The following GCSAM variants were observed in gnomAD, a reference collection of about 807,000 sequenced individuals.
GCSAM encodes germinal center-associated signaling and motility protein.
A neutral mutation model predicts 17.6 loss-of-function variants in GCSAM; 8 were observed. The ratio of observed to expected loss-of-function variants is 0.46; its 90% CI spans 0.27 to 0.82. The LOEUF (loss-of-function observed/expected upper bound fraction) is 0.82, where lower values mean the gene tolerates loss of function less well. Ranked by LOEUF, GCSAM falls within the 40% of genes least tolerant of loss-of-function variation. The probability of loss-of-function intolerance (pLI) is 0.15; values close to 1 mark genes in which losing one functional copy is unlikely to be tolerated. For missense variants in GCSAM, 192 were observed against 213.5 expected (o/e 0.90, Z 0.63); for synonymous variants, 68 against 69.0 (o/e 0.98, Z 0.07).
rs755741973 is a variant in GCSAM, at chr3:112,130,442, C to T, written c.98+3G>A. 9.9e-6 allele frequency: 16 copies of T among 1,613,604 alleles called. 1 individual carries two copies. In the Admixed American group the frequency reaches 2.3e-4, roughly 24 times the overall value. ...GGGGGTGTTTGGTTGATTTTGCTCT[C>T]ACCTGGATGTTCTCTGTTTGGGGCT... is the stretch of plus-strand genomic sequence containing the variant. On this transcript the variant is annotated splice_donor_region_variant and intron_variant, in intron 2 of 5. Transcript: ENST00000308910.
At chr3:112,125,338 C>A in intron 4 of GCSAM, 84 bp from the exon 5 acceptor site, 1 of 949,270 alleles carries the variant, frequency 1.1e-6, no homozygotes, top group Non-Finnish European at 1.7e-6. Flanking sequence ...ATATAAATAA[C>A]TAAAAAGCCA....
At chr3:112,131,647 A>G (rs1474979425) in intron 1 of GCSAM, among the ~76,000 whole-genome samples, 1 of 152,192 alleles carries the variant, frequency 6.6e-6, no homozygotes, top group East Asian at 1.9e-4. Flanking sequence ...CTTTTAAATC[A>G]TCATAGAAAT....
chr3:112,128,358 CG>C, intron 2 of GCSAM: 2 of 539,802 alleles, frequency 3.7e-6, no homozygotes, highest in Non-Finnish European at 6.8e-6. Flanking sequence ...ATGAAGAACA[CG>C]TAAGTGTTAT....
chr3:112,131,383 G>C (rs963004321), intron 1 of GCSAM, among the ~76,000 whole-genome samples: 12 of 152,068 alleles, frequency 7.9e-5, no homozygotes, highest in African/African-American at 1.4e-4. Flanking sequence ...GACACGGTTG[G>C]GGGGGTATGC....
rs2107794878 is a variant in GCSAM at position 112,120,924 on chromosome 3, C to T, written c.*2531G>A. On this transcript the variant is annotated 3_prime_UTR_variant, in exon 6 of 6. Coordinates refer to ENST00000308910, the MANE Select transcript of GCSAM (RefSeq NM_152785.5). The stretch of plus-strand genomic sequence containing the variant: ...TTACACTCATATCAGAATTTTTTAA[C>T]TCTTTTTTTGTTCTTAATATTATTT... The T allele has an allele frequency of 6.6e-6, 1 of 152,214 alleles. No homozygotes were observed. Among genetic ancestry groups the T allele is most frequent in the Admixed American group, 6.5e-5 (1 of 15,284 alleles). 9.4% of individuals were successfully genotyped at this position (152,214 alleles called of 1,614,324 possible). A position where few individuals can be genotyped will look rare whatever the true frequency, so the allele number is the denominator to read the frequency against.
At chr3:112,125,362 G>A in intron 4 of GCSAM, 108 bp from the exon 5 acceptor site, 1 of 767,148 alleles carries the variant, frequency 1.3e-6, no homozygotes, top group Non-Finnish European at 2.3e-6. Context: ...AACAGCTGGG[G>A]TAGCTCTTCT....
chr3:112,131,378 G>A lies in GCSAM; in HGVS notation c.30-865C>T, dbSNP rs1015928377. 3.3e-5 allele frequency among the ~76,000 whole-genome samples: 5 copies of A among 152,272 alleles called. No homozygotes were observed. In the South Asian group the frequency reaches 8.3e-4, roughly 25 times the overall value. The stretch of plus-strand genomic sequence containing the variant: ...TAGCTTATTTGATCTGGAGAGACAC[G>A]GTTGGGGGGGTATGCTGACTAGATG... On this transcript the variant is annotated intron_variant, in intron 1 of 5. Coordinates refer to ENST00000308910, the MANE Select transcript of GCSAM (RefSeq NM_152785.5).
intron 2 of GCSAM, chr3:112,128,676 A>G (rs2074385081): frequency 5.9e-6 from 1 of 169,486 alleles, no homozygotes; most frequent in Admixed American, 5.5e-5. Flanking sequence ...GGACAGGACA[A>G]CCCTGGTGCA....
chr3:112,128,212 A>G (rs1192653740), intron 2 of GCSAM, 151 bp from the exon 3 acceptor site: 21 of 723,376 alleles, frequency 2.9e-5, no homozygotes, highest in Non-Finnish European at 2.5e-5. Context: ...CTCTCATGGT[A>G]GAATGCCTTT....
intron 1 of GCSAM, chr3:112,132,530 C>A: frequency 2.5e-6 from 1 of 399,190 alleles, no homozygotes; most frequent in Non-Finnish European, 3.4e-6. Flanking sequence ...CACTAGAACT[C>A]TCTAAGGTAG....
In GCSAM at chr3:112,121,032, C is replaced by G. The variant is rs541194353; in HGVS notation, c.*2423G>C. The G allele has an allele frequency of 6.6e-6, 1 of 152,066 alleles. No homozygotes were observed. The highest frequency in any genetic ancestry group is 1.5e-5 in the Non-Finnish European group (1 of 68,036). The allele number at this position is 152,066 out of a possible 1,614,324, so 9.4% of individuals were successfully genotyped here. ...TGGCTCCCCTTGCTCAAAAGTAATT[C>G]CCTTTCATAATCCCTCTTATAATTC... On this transcript the variant is annotated 3_prime_UTR_variant, in exon 6 of 6. Transcript: ENST00000308910.
At position 112,133,193 on chromosome 3, in the gene GCSAM, A is replaced by G; in HGVS notation, c.-73T>C. 2 of 1,533,254 alleles carry G rather than the reference A, an allele frequency of 1.3e-6. No homozygotes were observed. Among genetic ancestry groups the G allele is most frequent in the East Asian group, 2.3e-5 (1 of 44,436 alleles). The allele number at this position is 1,533,254 out of a possible 1,614,324, so 95.0% of individuals were successfully genotyped here. Reference sequence around the variant, plus strand: ...TCTTGCCTTGTGCTCTGACAGGGCAACTCCTGACTTAAAGAAAGGGCTGTG... The same window carrying G: ...TCTTGCCTTGTGCTCTGACAGGGCAGCTCCTGACTTAAAGAAAGGGCTGTG... On this transcript the variant is annotated 5_prime_UTR_variant, in exon 1 of 6. Transcript: ENST00000308910.
At chr3:112,123,829 T>C (rs1468511755) in intron 5 of GCSAM, 57 bp from the exon 6 acceptor site, 5 of 1,551,928 alleles carry the variant, frequency 3.2e-6, no homozygotes, top group Non-Finnish European at 4.4e-6. Flanking sequence ...GACCTTTACA[T>C]TTCAGTCTCA....
At chr3:112,125,663 A>G (rs572912795) in intron 4 of GCSAM, among the ~76,000 whole-genome samples, 1 of 152,228 alleles carries the variant, frequency 6.6e-6, no homozygotes, top group Non-Finnish European at 1.5e-5. Context: ...AAGGCTCACA[A>G]GCTAGCACAG....
intron 3 of GCSAM, among the ~76,000 whole-genome samples, chr3:112,127,667 A>G (rs1358363879): frequency 6.6e-6 from 1 of 152,232 alleles, no homozygotes. Flanking sequence ...GATAAATTAT[A>G]CTATCACCCC....
At chr3:112,126,678 G>C (rs1241919892) in intron 4 of GCSAM, among the ~76,000 whole-genome samples, 1 of 152,106 alleles carries the variant, frequency 6.6e-6, no homozygotes, top group Non-Finnish European at 1.5e-5. Flanking sequence ...CCCTATCCCA[G>C]GCTGGCTTTC....
chr3:112,124,680 C>T (rs192024876), intron 5 of GCSAM, among the ~76,000 whole-genome samples: 1 of 151,974 alleles, frequency 6.6e-6, no homozygotes, highest in East Asian at 1.9e-4. Context: ...ATTTAATTAC[C>T]CTCTAGAGAT....
chr3:112,132,051 AACAATC>A (rs1286669385), intron 1 of GCSAM, among the ~76,000 whole-genome samples: 4 of 152,214 alleles, frequency 2.6e-5, no homozygotes, highest in African/African-American at 9.7e-5. Flanking sequence ...ATAAATAAGA[AACAATC>A]ACTACATTTG....
In GCSAM at chr3:112,121,586, A is replaced by T. The variant is rs2074200712; in HGVS notation, c.*1869T>A. ...TACACTCTTTCCTCTAAGCCATGTTACATCTTGTACAATATCCACTGCTAA... is the reference window on the plus strand; with the variant it reads ...TACACTCTTTCCTCTAAGCCATGTTTCATCTTGTACAATATCCACTGCTAA... On this transcript the variant is annotated 3_prime_UTR_variant, in exon 6 of 6. Transcript: ENST00000308910. The T allele has an allele frequency of 6.6e-6, 1 of 152,216 alleles. No individual in the cohort carries two copies. Among genetic ancestry groups the T allele is most frequent in the African/African-American group, 2.4e-5 (1 of 41,448 alleles). The allele number at this position is 152,216 out of a possible 1,614,324, so 9.4% of individuals were successfully genotyped here. A position where few individuals can be genotyped will look rare whatever the true frequency, so the allele number is the denominator to read the frequency against.
Sources: gnomAD v4.1 joint callset for allele counts (sites outside exome capture counted in the v4.1 genomes callset) on GRCh38, gnomAD v4.1.1 for gene constraint, MANE v1.5 for transcripts, NCBI Gene and HGNC (gene_info 2026-07-23, HGNC 2026-07-21) for gene names.